TOX3: variants seen among roughly 807,000 people sequenced by gnomAD.
TOX3 encodes CAG trinucleotide repeat-containing gene F9 protein.
Under a neutral mutation model 64.3 loss-of-function variants are expected in TOX3, and 22 were observed. The ratio of observed to expected loss-of-function variants is 0.34; its 90% CI spans 0.24 to 0.49. The LOEUF (loss-of-function observed/expected upper bound fraction) is 0.49. Among genes scored for constraint, TOX3 ranks in the 20% least tolerant of loss-of-function variants. The pLI is 0.99. For synonymous variants in TOX3, 291 were observed against 273.6 expected, an observed-to-expected ratio of 1.06 and a Z score of -0.63; for missense variants, 661 against 714.4, an observed-to-expected ratio of 0.93 and a Z score of 0.85.
In TOX3 at chr16:52,546,962, G is replaced by T. The variant is rs892687966; in HGVS notation, c.-239C>A. 2.0e-6 allele frequency: 2 copies of T among 980,530 alleles called. No individual in the cohort carries two copies. Among genetic ancestry groups the T allele is most frequent in the South Asian group, 4.6e-5 (1 of 21,758 alleles). The allele number at this position is 980,530 out of a possible 1,614,324, so 60.7% of individuals were successfully genotyped here. A position where few individuals can be genotyped will look rare whatever the true frequency, so the allele number is the denominator to read the frequency against. On this transcript the variant is annotated 5_prime_UTR_variant, in exon 1 of 7. Transcript: ENST00000219746. ...GGCGGCCGGGGGGACGCGCCCCGCC[G>T]GGGCACCGAGGCAGCGCTGCGCGCG...
chr16:52,533,849 G>T (rs1367099220), intron 1 of TOX3, among the ~76,000 whole-genome samples: 1 of 152,188 alleles, frequency 6.6e-6, no homozygotes. Context: ...AGACAGGAAA[G>T]ATGGGAGCTG....
At chr16:52,467,288 T>C (rs1432612700) in intron 2 of TOX3, among the ~76,000 whole-genome samples, 2 of 152,162 alleles carry the variant, frequency 1.3e-5, no homozygotes, top group Non-Finnish European at 2.9e-5. Context: ...TGAAACATCA[T>C]GTCGTCCTTA....
chr16:52,496,348 C>T (rs1039035817), intron 1 of TOX3, among the ~76,000 whole-genome samples: 2 of 152,150 alleles, frequency 1.3e-5, no homozygotes, highest in Admixed American at 6.6e-5. Context: ...TGCTGCCTGG[C>T]TTCCACTGAG....
rs541606557 is a variant in TOX3 at position 52,503,225 on chromosome 16, G to A, written c.88-34651C>T. Among the ~76,000 whole-genome samples the A allele has an allele frequency of 3.3e-5, 5 of 152,278 alleles. No homozygotes were observed. In the South Asian group the frequency reaches 1.0e-3, roughly 32 times the overall value. On this transcript the variant is annotated intron_variant, in intron 1 of 6. Coordinates refer to ENST00000219746, the MANE Select transcript of TOX3 (RefSeq NM_001080430.4). ...TATTAAAATACAGAATAAAGAGCAA[G>A]CCTTGGGCTATGAAGTCAAATAGGA...
intron 1 of TOX3, among the ~76,000 whole-genome samples, chr16:52,527,366 C>A (rs1013794011): frequency 3.3e-5 from 5 of 152,102 alleles, no homozygotes; most frequent in Non-Finnish European, 5.9e-5. Context: ...GGTGCTTTAA[C>A]AATTCCTCCT....
At position 52,444,259 on chromosome 16, in the gene TOX3, C is replaced by A; in HGVS notation, c.987+17G>T. The stretch of plus-strand genomic sequence containing the variant: ...CTGTGACTATTTTGGAGCCTGGCCG[C>A]CCCTGCCCAGGTTTACCTTAGAAAC... On this transcript the variant is annotated intron_variant, in intron 6 of 6. Transcript: ENST00000219746. 6.5e-7 allele frequency: 1 copy of A among 1,542,126 alleles called. No homozygotes were observed. Among genetic ancestry groups the A allele is most frequent in the Non-Finnish European group, 8.8e-7 (1 of 1,135,990 alleles).
intron 1 of TOX3, among the ~76,000 whole-genome samples, chr16:52,481,127 T>C (rs1032622822): frequency 2.0e-5 from 3 of 152,214 alleles, no homozygotes; most frequent in African/African-American, 2.4e-5. Flanking sequence ...TTACAATAAA[T>C]ATTACAGAAT....
intron 1 of TOX3, chr16:52,519,321 C>T (rs1962536525): frequency 1.5e-6 from 2 of 1,305,920 alleles, no homozygotes; most frequent in South Asian, 3.0e-5. Context: ...AGGGTTAGTG[C>T]ATTCATCAGA....
At chr16:52,515,900 T>C (rs1962441184) in intron 1 of TOX3, among the ~76,000 whole-genome samples, 1 of 152,224 alleles carries the variant, frequency 6.6e-6, no homozygotes, top group Non-Finnish European at 1.5e-5. Context: ...TCTTCTGAAA[T>C]GCTAACTTGA....
chr16:52,546,961 C>A lies in TOX3; in HGVS notation c.-238G>T. ...AGGCGGCCGGGGGGACGCGCCCCGC[C>A]GGGGCACCGAGGCAGCGCTGCGCGC... On this transcript the variant is annotated 5_prime_UTR_variant, in exon 1 of 7. Coordinates refer to ENST00000219746, the MANE Select transcript of TOX3 (RefSeq NM_001080430.4). The A allele has an allele frequency of 1.7e-5, 17 of 980,052 alleles. No homozygotes were observed. The highest frequency in any genetic ancestry group is 2.1e-5 in the Non-Finnish European group (17 of 828,414). The allele number at this position is 980,052 out of a possible 1,614,324, so 60.7% of individuals were successfully genotyped here.
intron 1 of TOX3, among the ~76,000 whole-genome samples, chr16:52,484,333 G>T (rs1961450129): frequency 6.6e-6 from 1 of 152,076 alleles, no homozygotes; most frequent in African/African-American, 2.4e-5. Context: ...AGAAAAACAT[G>T]ATTCAAAACC....
intron 1 of TOX3, among the ~76,000 whole-genome samples, chr16:52,511,446 T>C (rs1962307974): frequency 6.6e-6 from 1 of 152,048 alleles, no homozygotes; most frequent in African/African-American, 2.4e-5. Context: ...GGGCCAAGAT[T>C]GTGCCATTGC....
chr16:52,473,559 G>C (rs1447167130), intron 1 of TOX3, among the ~76,000 whole-genome samples: 1 of 152,112 alleles, frequency 6.6e-6, no homozygotes, highest in Non-Finnish European at 1.5e-5. Flanking sequence ...CCACACGCAC[G>C]TGAAGGCTCG....
intron 4 of TOX3, 147 bp downstream of exon 4, chr16:52,450,130 G>T: frequency 1.1e-6 from 1 of 948,106 alleles, no homozygotes; most frequent in Non-Finnish European, 1.6e-6. Context: ...AAATGAAAGA[G>T]TGAAGAAAAA....
chr16:52,505,009 A>G (rs181935059), intron 1 of TOX3, among the ~76,000 whole-genome samples: 6 of 151,964 alleles, frequency 3.9e-5, no homozygotes, highest in Non-Finnish European at 8.8e-5. Flanking sequence ...TAATTTTTGT[A>G]TTTTTAGTAG....
intron 1 of TOX3, among the ~76,000 whole-genome samples, chr16:52,526,648 C>T (rs1229912193): frequency 6.6e-6 from 1 of 152,124 alleles, no homozygotes; most frequent in Non-Finnish European, 1.5e-5. Flanking sequence ...AGAGAGGGGA[C>T]ATTGTTGTCT....
In TOX3 at chr16:52,478,772, T is replaced by C. The variant is rs191215023; in HGVS notation, c.88-10198A>G. ...CTCTCTGAACTTCTGTTTCCTCACTTCTAAGGAGGAAAGCATAGAACTATA... is the reference window on the plus strand; with the variant it reads ...CTCTCTGAACTTCTGTTTCCTCACTCCTAAGGAGGAAAGCATAGAACTATA... On this transcript the variant is annotated intron_variant, in intron 1 of 6. Transcript: ENST00000219746. Among the ~76,000 whole-genome samples, 289 of 152,146 alleles carry C rather than the reference T, an allele frequency of 1.9e-3. 1 individual carries two copies. The highest frequency in any genetic ancestry group is 6.8e-3 in the Middle Eastern group (2 of 294).
chr16:52,474,717 G>T (rs1004295139), intron 1 of TOX3, among the ~76,000 whole-genome samples: 27 of 152,138 alleles, frequency 1.8e-4, no homozygotes, highest in Admixed American at 1.6e-3. Flanking sequence ...GTAAGAGACG[G>T]AGGGAAGGAA....
chr16:52,546,367 C>CT (rs147687318), intron 1 of TOX3, among the ~76,000 whole-genome samples: 3,557 of 151,150 alleles, frequency 0.024, 127 homozygotes, highest in African/African-American at 0.08. Flanking sequence ...GCTCTCTTCG[C>CT]TTTTTGGGGG....
Sources: allele counts gnomAD v4.1 joint callset (sites outside exome capture counted in the v4.1 genomes callset), GRCh38; gene constraint gnomAD v4.1.1; transcripts MANE v1.5; gene names NCBI Gene and HGNC (gene_info 2026-07-23, HGNC 2026-07-21).